The following KIF16B variants were observed in gnomAD, a reference collection of about 807,000 sequenced individuals.
KIF16B encodes kinesin family member 16B, also known as kinesin-like protein KIF16B.
In KIF16B, 98 loss-of-function variants were observed where a neutral mutation model predicts 156.3. The observed-to-expected ratio is 0.63, with a 90% confidence interval of 0.53 to 0.74. KIF16B has a LOEUF of 0.74. KIF16B is among the 30% of genes least tolerant of loss of function. The pLI is 0.00. For missense variants in KIF16B, 1,421 were observed against 1,606.5 expected, an observed-to-expected ratio of 0.88 and a Z score of 1.97; for synonymous variants, 564 against 583.7, an observed-to-expected ratio of 0.97 and a Z score of 0.49.
chr20:16,280,888 A>T (rs2063138067), intron 25 of KIF16B, among the ~76,000 whole-genome samples: 1 of 136,054 alleles, frequency 7.4e-6, no homozygotes, highest in African/African-American at 2.9e-5. Context: ...TGCAAGCATG[A>T]GAATTTGGGC....
chr20:16,467,898 G>A (rs560241566), intron 12 of KIF16B, among the ~76,000 whole-genome samples: 5 of 152,176 alleles, frequency 3.3e-5, no homozygotes, highest in South Asian at 2.1e-4. Flanking sequence ...GAGAGAAAAT[G>A]GAATCATATA....
In KIF16B at chr20:16,371,736, C is replaced by A; in HGVS notation, c.3376G>T (p.Val1126Phe). Residue 1126 changes from valine (V) to phenylalanine (F), a missense_variant, in exon 21 of 26, where the codon GTC (valine) becomes TTC (phenylalanine). Coordinates refer to ENST00000354981, the MANE Select transcript of KIF16B (RefSeq NM_024704.5). ...TGCAAATCCTGAAGGCGTCTTTGGA[C>A]TTCTTCTTCAATGTAAGCATTGATC... is the stretch of plus-strand genomic sequence containing the variant. ...ARINAYIEEEVQRRLQDLHRV... is the reference protein window; with the variant it reads ...ARINAYIEEEFQRRLQDLHRV... 1 of 1,613,250 alleles carries A rather than the reference C, an allele frequency of 6.2e-7. No individual in the cohort carries two copies. The highest frequency in any genetic ancestry group is 8.5e-7 in the Non-Finnish European group (1 of 1,179,244).
chr20:16,445,262 C>A (rs548608608), intron 12 of KIF16B, among the ~76,000 whole-genome samples: 27 of 152,094 alleles, frequency 1.8e-4, no homozygotes, highest in African/African-American at 6.5e-4. Context: ...GTTTTTATTG[C>A]CATTTTTCCC....
chr20:16,335,875 T>C (rs574561513), intron 24 of KIF16B, 51 bp downstream of exon 24: 8 of 1,153,078 alleles, frequency 6.9e-6, no homozygotes, highest in Admixed American at 3.6e-5. Context: ...TCAGCTCATT[T>C]ACTTTATAAA....
chr20:16,504,140 A>G (rs1170025865), intron 10 of KIF16B, among the ~76,000 whole-genome samples: 1 of 152,208 alleles, frequency 6.6e-6, no homozygotes, highest in Admixed American at 6.5e-5. Flanking sequence ...TAACTATTAG[A>G]GAGTTAATCA....
chr20:16,536,519 T>C (rs1230176846), intron 1 of KIF16B, among the ~76,000 whole-genome samples: 1 of 152,172 alleles, frequency 6.6e-6, no homozygotes, highest in Non-Finnish European at 1.5e-5. Flanking sequence ...ATAGAAATGA[T>C]ACTCCAGTGA....
At chr20:16,331,994 C>G (rs901874219) in intron 24 of KIF16B, among the ~76,000 whole-genome samples, 1 of 151,934 alleles carries the variant, frequency 6.6e-6, no homozygotes, top group African/African-American at 2.4e-5. Context: ...AAGAACTTTA[C>G]AGGAAAAGAG....
intron 1 of KIF16B, among the ~76,000 whole-genome samples, chr20:16,555,087 C>T (rs2070799798): frequency 1.3e-5 from 2 of 152,200 alleles, no homozygotes; most frequent in Non-Finnish European, 2.9e-5. Context: ...GCAAAGGTGC[C>T]ACTGGCCACA....
At chr20:16,333,130 T>C (rs936672495) in intron 24 of KIF16B, among the ~76,000 whole-genome samples, 3 of 152,158 alleles carry the variant, frequency 2.0e-5, no homozygotes, top group African/African-American at 7.2e-5. Context: ...TCCTCACCAC[T>C]TTTCCAGGCC....
At chr20:16,305,761 G>A (rs757649851) in intron 25 of KIF16B, among the ~76,000 whole-genome samples, 17 of 152,154 alleles carry the variant, frequency 1.1e-4, no homozygotes, top group Non-Finnish European at 8.8e-5. Context: ...CCACATATGA[G>A]TGAGAACATG....
At chr20:16,383,674 C>T (rs1239015943) in intron 17 of KIF16B, among the ~76,000 whole-genome samples, 2 of 152,246 alleles carry the variant, frequency 1.3e-5, no homozygotes, top group East Asian at 3.9e-4. Context: ...TATCTTCATA[C>T]TTCAGTAGAG....
chr20:16,326,559 T>G (rs1263123933), intron 24 of KIF16B, among the ~76,000 whole-genome samples: 3 of 151,350 alleles, frequency 2.0e-5, no homozygotes, highest in African/African-American at 7.3e-5. Context: ...GCCAACAAAC[T>G]TATGAAAAAA....
At chr20:16,467,666 AC>A in intron 12 of KIF16B, among the ~76,000 whole-genome samples, 1 of 152,208 alleles carries the variant, frequency 6.6e-6, no homozygotes, top group Non-Finnish European at 1.5e-5. Context: ...TTCCTTAGAA[AC>A]CATGCAATCA....
intron 12 of KIF16B, among the ~76,000 whole-genome samples, chr20:16,446,868 T>C (rs1411178258): frequency 1.3e-5 from 2 of 152,188 alleles, no homozygotes; most frequent in Non-Finnish European, 1.5e-5. Context: ...TACACAAAAC[T>C]TGCAGGCAAA....
intron 25 of KIF16B, among the ~76,000 whole-genome samples, chr20:16,297,474 C>A (rs550450570): frequency 6.6e-6 from 1 of 152,110 alleles, no homozygotes; most frequent in East Asian, 1.9e-4. Flanking sequence ...GGGCACATCA[C>A]GAGGTCAGGA....
chr20:16,564,437 T>C (rs1342957759), intron 1 of KIF16B, among the ~76,000 whole-genome samples: 2 of 151,980 alleles, frequency 1.3e-5, no homozygotes. Context: ...CCGCATGTTC[T>C]CACTCATAGG....
chr20:16,400,080 T>C (rs1454365042), intron 17 of KIF16B, among the ~76,000 whole-genome samples: 1 of 152,202 alleles, frequency 6.6e-6, no homozygotes, highest in Non-Finnish European at 1.5e-5. Flanking sequence ...TGACTGGGTT[T>C]TGAGAAACAT....
intron 12 of KIF16B, among the ~76,000 whole-genome samples, chr20:16,488,687 G>C (rs551061529): frequency 6.6e-6 from 1 of 152,184 alleles, no homozygotes; most frequent in Non-Finnish European, 1.5e-5. Context: ...TTGTAGCCAC[G>C]CAAAAGGGAA....
At chr20:16,357,942 C>T (rs996981494) in intron 22 of KIF16B, among the ~76,000 whole-genome samples, 3 of 152,208 alleles carry the variant, frequency 2.0e-5, no homozygotes, top group Non-Finnish European at 4.4e-5. Flanking sequence ...GTAATCCCAG[C>T]ACCCTGGGAG....
Sources: gnomAD v4.1 joint callset for allele counts (sites outside exome capture counted in the v4.1 genomes callset) on GRCh38, gnomAD v4.1.1 for gene constraint, MANE v1.5 for transcripts, NCBI Gene and HGNC (gene_info 2026-07-23, HGNC 2026-07-21) for gene names.